SOS1: variants seen among roughly 807,000 people sequenced by gnomAD.
SOS1 encodes SOS Ras/Rac guanine nucleotide exchange factor 1.
In SOS1, 25 loss-of-function variants were observed where a neutral mutation model predicts 157.6. That is an observed-to-expected ratio of 0.16 (90% CI 0.12 to 0.22). The LOEUF is 0.22. SOS1 is among the 10% of genes least tolerant of loss of function. The pLI is 1.00. For synonymous variants in SOS1, 528 were observed against 534.0 expected (o/e 0.99, Z 0.16); for missense variants, 1,237 against 1,599.1 (o/e 0.77, Z 3.86).
intron 1 of SOS1, among the ~76,000 whole-genome samples, chr2:39,118,991 C>T (rs1192290148): frequency 6.6e-6 from 1 of 152,142 alleles, no homozygotes; most frequent in African/African-American, 2.4e-5. Context: ...TTTGGCAATG[C>T]TTTATGAGTT....
In SOS1 at chr2:38,997,006, A is replaced by G. The variant is rs145364368; in HGVS notation, c.2997T>C (p.Asn999=). ...AATCTGTAAATTCCTTCTCCATGCT[A>G]TTTCCCATCGGATTCAAGTTTTCAA... ...RFFENLNPMG[N]SMEKEFTDYL... The change falls in exon 19 of 23, where the codon AAT becomes AAC. Residue 999 remains asparagine (N), a synonymous_variant. Transcript: ENST00000402219. 1,835 of 1,603,100 alleles carry G rather than the reference A, an allele frequency of 1.1e-3. 18 individuals carry two copies. The highest frequency in any genetic ancestry group is 0.01 in the African/African-American group (766 of 74,824).
chr2:39,000,622 T>C (rs908544542), intron 17 of SOS1, among the ~76,000 whole-genome samples: 1 of 152,230 alleles, frequency 6.6e-6, no homozygotes, highest in African/African-American at 2.4e-5. Context: ...AAGTAGCTGC[T>C]TAGGATTCTA....
intron 8 of SOS1, among the ~76,000 whole-genome samples, chr2:39,032,459 AAG>A (rs1429335526): frequency 6.6e-6 from 1 of 152,250 alleles, no homozygotes; most frequent in Non-Finnish European, 1.5e-5. Context: ...TTTAAAATAT[AAG>A]ACATAAGAAT....
intron 20 of SOS1, among the ~76,000 whole-genome samples, chr2:38,994,484 C>T (rs1035483998): frequency 6.6e-6 from 1 of 152,144 alleles, no homozygotes; most frequent in Non-Finnish European, 1.5e-5. Context: ...TTAAAAGCTA[C>T]TAAAGAATTT....
intron 1 of SOS1, 103 bp downstream of exon 1, chr2:39,120,233 C>A: frequency 2.8e-6 from 3 of 1,056,304 alleles, no homozygotes; most frequent in South Asian, 1.9e-5. Context: ...GCGGCGAGAC[C>A]GGGAAGAAAG....
chr2:39,055,008 A>G (rs575656426), intron 4 of SOS1, among the ~76,000 whole-genome samples, 185 bp from the exon 5 acceptor site: 66 of 152,298 alleles, frequency 4.3e-4, no homozygotes, highest in Non-Finnish European at 8.4e-4. Flanking sequence ...TCAACATGTG[A>G]TATAACTTAC....
chr2:39,074,358 G>GA (rs11399990), intron 1 of SOS1, among the ~76,000 whole-genome samples: 114,805 of 135,986 alleles, frequency 0.84, 48,323 homozygotes, highest in Non-Finnish European at 0.9. Context: ...TCAGAAAAAA[G>GA]AAAAAAAAAA....
intron 1 of SOS1, among the ~76,000 whole-genome samples, chr2:39,088,582 TG>T (rs1672465198): frequency 6.6e-6 from 1 of 152,210 alleles, no homozygotes; most frequent in Admixed American, 6.5e-5. Flanking sequence ...ATATAGTATT[TG>T]TCCTTTTATT....
Position 38,995,188 on chromosome 2 carries a change from C to T in SOS1, c.3281G>A (p.Gly1094Asp), listed in dbSNP as rs1238854663. ...RTPLTPPPAS[G>D]ASSTTDVCSV... ...GCAAACATCTGTGGTACTGGAAGCA[C>T]CAGAAGCAGGCGGAGGTGTTAACGG... Residue 1094 changes from glycine to aspartate, a missense_variant, in exon 20 of 23, where the codon GGT (glycine) becomes GAT (aspartate). Coordinates refer to ENST00000402219, the MANE Select transcript of SOS1 (RefSeq NM_005633.4). The T allele has an allele frequency of 6.2e-7, 1 of 1,613,960 alleles. No individual in the cohort carries two copies. The highest frequency in any genetic ancestry group is 8.5e-7 in the Non-Finnish European group (1 of 1,179,908).
chr2:39,119,305 A>G (rs949058574), intron 1 of SOS1, among the ~76,000 whole-genome samples: 1 of 152,236 alleles, frequency 6.6e-6, no homozygotes, highest in Non-Finnish European at 1.5e-5. Context: ...CTCCTGAAAA[A>G]CCAAATAGTT....
At chr2:39,030,364 G>C (rs899726038) in intron 8 of SOS1, among the ~76,000 whole-genome samples, 3 of 151,916 alleles carry the variant, frequency 2.0e-5, no homozygotes, top group Non-Finnish European at 2.9e-5. Flanking sequence ...AGGAGTTTGA[G>C]ATCAGCCTGG....
At chr2:39,070,545 C>T (rs1397848609) in intron 1 of SOS1, among the ~76,000 whole-genome samples, 1 of 152,176 alleles carries the variant, frequency 6.6e-6, no homozygotes, top group Non-Finnish European at 1.5e-5. Flanking sequence ...GCATGGATAA[C>T]CCCAAATCTA....
chr2:39,019,941 AT>A (rs913066463), intron 10 of SOS1, among the ~76,000 whole-genome samples: 54 of 151,444 alleles, frequency 3.6e-4, no homozygotes, highest in Admixed American at 3.4e-3. Context: ...TAATTTATTT[AT>A]TTTTTTTGAG....
At chr2:39,122,375 A>C (rs938632434), upstream of SOS1, among the ~76,000 whole-genome samples, 1 of 151,724 alleles carries the variant, frequency 6.6e-6, no homozygotes. Flanking sequence ...GGTTGCAGTG[A>C]GCCGGGATCA....
intron 6 of SOS1, among the ~76,000 whole-genome samples, chr2:39,045,315 T>C (rs1453258579): frequency 7.1e-6 from 1 of 141,162 alleles, no homozygotes; most frequent in Non-Finnish European, 1.5e-5. Context: ...AAATCAAATG[T>C]GTTAGTCTAA....
At chr2:39,069,038 G>C (rs1034570671) in intron 1 of SOS1, among the ~76,000 whole-genome samples, 3 of 151,822 alleles carry the variant, frequency 2.0e-5, no homozygotes, top group Non-Finnish European at 4.4e-5. Context: ...TCAGTGTACA[G>C]GGAAAATTTT....
At chr2:39,004,290 G>A (rs1348444407) in intron 17 of SOS1, among the ~76,000 whole-genome samples, 3 of 151,458 alleles carry the variant, frequency 2.0e-5, no homozygotes, top group Non-Finnish European at 4.4e-5. Context: ...GTGGTGGTGG[G>A]CGCCTGTAGT....
intron 1 of SOS1, among the ~76,000 whole-genome samples, chr2:39,072,241 T>C (rs1030736623): frequency 2.0e-5 from 3 of 152,226 alleles, no homozygotes; most frequent in Admixed American, 2.0e-4. Context: ...TTTCCTTTTT[T>C]GGATAGTGAT....
chr2:39,010,560 T>C, intron 15 of SOS1, 24 bp downstream of exon 15: 1 of 1,602,374 alleles, frequency 6.2e-7, no homozygotes, highest in Non-Finnish European at 8.6e-7. Flanking sequence ...AGCTATAAAA[T>C]ATAAGAATGC....
Sources: gnomAD v4.1 joint callset for allele counts (sites outside exome capture counted in the v4.1 genomes callset) on GRCh38, gnomAD v4.1.1 for gene constraint, MANE v1.5 for transcripts, NCBI Gene and HGNC (gene_info 2026-07-23, HGNC 2026-07-21) for gene names.